The following NUMBL variants were observed in gnomAD, a reference collection of about 807,000 sequenced individuals.
NUMBL encodes numb-like protein.
In NUMBL, 20 loss-of-function variants were observed where a neutral mutation model predicts 48.9. The observed-to-expected ratio is 0.41, with a 90% CI of 0.29 to 0.59. The LOEUF (loss-of-function observed/expected upper bound fraction) is 0.59, where lower values mean the gene tolerates loss of function less well. Among genes scored for constraint, NUMBL ranks in the 20% least tolerant of loss-of-function variants. The probability of loss-of-function intolerance (pLI) is 0.31; values close to 1 mark genes in which losing one functional copy is unlikely to be tolerated. For missense variants in NUMBL, 660 were observed against 846.2 expected, an observed-to-expected ratio of 0.78 and a Z score of 2.73; for synonymous variants, 340 against 348.7, an observed-to-expected ratio of 0.98 and a Z score of 0.28.
chr19:40,681,642 A>C (rs2081905734), intron 5 of NUMBL, among the ~76,000 whole-genome samples: 1 of 152,150 alleles, frequency 6.6e-6, no homozygotes, highest in Admixed American at 6.6e-5. Context: ...TGATCTGAGC[A>C]GTTACGATGT....
At position 40,682,463 on chromosome 19, in the gene NUMBL, G is replaced by A. The variant is rs1212923295; in HGVS notation, c.399+265C>T. On this transcript the variant is annotated intron_variant, in intron 5 of 9. Coordinates refer to ENST00000252891, the MANE Select transcript of NUMBL (RefSeq NM_004756.5). This position sits in a 1 kb window ranked among gnomAD's most constrained non-coding sequence, Gnocchi z 4.0. ...TTTCAGATGACACAACTGAGACTCAGAGAGGTTAAATCTCATGCCCAGGGT... is the reference window on the plus strand; with the variant it reads ...TTTCAGATGACACAACTGAGACTCAAAGAGGTTAAATCTCATGCCCAGGGT... 6.6e-6 allele frequency among the ~76,000 whole-genome samples: 1 copy of A among 152,218 alleles called. No homozygotes were observed. The highest frequency in any genetic ancestry group is 6.5e-5 in the Admixed American group (1 of 15,278).
In NUMBL at chr19:40,667,092, G is replaced by A. The variant is rs2081813402; in HGVS notation, c.*376C>T. On this transcript the variant is annotated 3_prime_UTR_variant, in exon 10 of 10. Coordinates refer to ENST00000252891, the MANE Select transcript of NUMBL (RefSeq NM_004756.5). This position sits in a 1 kb window ranked among gnomAD's most constrained non-coding sequence, Gnocchi z 6.1. ...GGGGCCCAGGAGAGCCCCTAAGCAA[G>A]TGTCCCCCCTCCATCCTGTCCAACA... The A allele has an allele frequency of 5.0e-5, 14 of 281,720 alleles. No individual in the cohort carries two copies. The South Asian group carries it at 5.1e-4, about 10-fold the overall frequency. 17.5% of individuals were successfully genotyped at this position (281,720 alleles called of 1,614,324 possible).
Position 40,690,524 on chromosome 19 carries a change from G to T in NUMBL, c.-41C>A. 2 of 1,221,106 alleles carry T rather than the reference G, an allele frequency of 1.6e-6. No individual in the cohort carries two copies. The highest frequency in any genetic ancestry group is 2.1e-6 in the Non-Finnish European group (2 of 974,740). 75.6% of individuals were successfully genotyped at this position (1,221,106 alleles called of 1,614,324 possible). ...CCCCGCCTCCCGCGGCCCTGGCTGG[G>T]CCTGGCTCCCCGACTGCTGCTGCTG... On this transcript the variant is annotated 5_prime_UTR_variant, in exon 1 of 10. Transcript: ENST00000252891.
chr19:40,679,819 G>A (rs2144659886), intron 6 of NUMBL, among the ~76,000 whole-genome samples: 1 of 152,252 alleles, frequency 6.6e-6, no homozygotes, highest in East Asian at 1.9e-4. Flanking sequence ...CTGGGGTAGT[G>A]GGGAGACGGG....
intron 9 of NUMBL, 102 bp downstream of exon 9, chr19:40,669,796 G>A (rs1239872851): frequency 6.8e-7 from 1 of 1,462,060 alleles, no homozygotes; most frequent in Non-Finnish European, 9.2e-7. Flanking sequence ...TTCTAAGCCT[G>A]TAGGATCCCA....
intron 6 of NUMBL, among the ~76,000 whole-genome samples, chr19:40,678,661 T>G (rs2081890187): frequency 6.6e-6 from 1 of 152,040 alleles, no homozygotes; most frequent in South Asian, 2.1e-4. Flanking sequence ...AGCCACACAG[T>G]CTACACTATC....
chr19:40,669,156 C>T (rs1448759417), intron 9 of NUMBL, among the ~76,000 whole-genome samples: 1 of 152,138 alleles, frequency 6.6e-6, no homozygotes, highest in African/African-American at 2.4e-5. Flanking sequence ...TCACTTGATT[C>T]TCAGGTAATC....
At chr19:40,674,097 A>G (rs1221961228) in intron 7 of NUMBL, among the ~76,000 whole-genome samples, 1 of 152,120 alleles carries the variant, frequency 6.6e-6, no homozygotes, top group Non-Finnish European at 1.5e-5. Context: ...GGAAACTGAG[A>G]CCCAGCAAAG....
At position 40,666,392 on chromosome 19, in the gene NUMBL, G is replaced by C. The variant is rs13343945; in HGVS notation, c.*1076C>G. ...TGACCTTAAGTGATCTGCCTGCCTC[G>C]ACCTCCCAAAGTGCTGGGATTACAG... On this transcript the variant is annotated 3_prime_UTR_variant, in exon 10 of 10. Coordinates refer to ENST00000252891, the MANE Select transcript of NUMBL (RefSeq NM_004756.5). 1 of 152,022 alleles carries C rather than the reference G, an allele frequency of 6.6e-6. No individual in the cohort carries two copies. Among genetic ancestry groups the C allele is most frequent in the East Asian group, 1.9e-4 (1 of 5,198 alleles). 9.4% of individuals were successfully genotyped at this position (152,022 alleles called of 1,614,324 possible). A position where few individuals can be genotyped will look rare whatever the true frequency, so the allele number is the denominator to read the frequency against.
rs1183599602 is a variant in NUMBL, at chr19:40,673,414, C to T, written c.966G>A (p.Gln322=). 2.5e-6 allele frequency: 4 copies of T among 1,613,638 alleles called. No individual in the cohort carries two copies. Among genetic ancestry groups the T allele is most frequent in the Non-Finnish European group, 3.4e-6 (4 of 1,179,806 alleles). Reference sequence around the variant, plus strand: ...GCAGCTCATTCAGCCGTAGGCTCAGCTGCCGTTTGAAAGGCGAGTTCTTCT... The same window carrying T: ...GCAGCTCATTCAGCCGTAGGCTCAGTTGCCGTTTGAAAGGCGAGTTCTTCT... The part of the protein sequence containing the change: ...LSQKNSPFKR[Q]LSLRLNELPS... The change falls in exon 8 of 10, where the codon CAG becomes CAA. Residue 322 remains glutamine, a synonymous_variant. Transcript: ENST00000252891. This position sits in a 1 kb window ranked among gnomAD's most constrained non-coding sequence, Gnocchi z 5.9.
At position 40,684,557 on chromosome 19, in the gene NUMBL, C is replaced by A; in HGVS notation, c.110-1G>T. On this transcript the variant is annotated splice_acceptor_variant, in intron 2 of 9. Transcript: ENST00000252891. LOFTEE classifies it high-confidence loss of function. ...AACTTGTTCATGGTGCCCGCCCCGT[C>A]TGGTGACACAGGACAGTGATGTGGG... 1 of 1,605,732 alleles carries A rather than the reference C, an allele frequency of 6.2e-7. No homozygotes were observed. Among genetic ancestry groups the A allele is most frequent in the Non-Finnish European group, 8.5e-7 (1 of 1,174,998 alleles).
Position 40,667,882 on chromosome 19 carries a change from A to G in NUMBL, c.1416T>C (p.Ala472=). The change falls in exon 10 of 10, where the codon GCT becomes GCC. Residue 472 remains alanine (A), a synonymous_variant. Transcript: ENST00000252891. The surrounding 1 kb of genome is among the most constrained non-coding windows in gnomAD (Gnocchi z 6.1). ...GGAACACGGCCACTTGGGCAGGTGC[A>G]GCGTCAAAGGGCCCCACGGGGGCGG... ...PFPAPVGPFD[A]APAQVAVFLP... The G allele has an allele frequency of 1.3e-6, 2 of 1,585,938 alleles. No individual in the cohort carries two copies. Among genetic ancestry groups the G allele is most frequent in the South Asian group, 2.3e-5 (2 of 87,328 alleles).
Position 40,667,909 on chromosome 19 carries a change from G to A in NUMBL, c.1389C>T (p.Phe463=). 6.4e-7 allele frequency: 1 copy of A among 1,573,872 alleles called. No individual in the cohort carries two copies. The highest frequency in any genetic ancestry group is 8.6e-7 in the Non-Finnish European group (1 of 1,159,744). Residue 463 remains phenylalanine, a synonymous_variant, in exon 10 of 10, where the codon TTC becomes TTT. Coordinates refer to ENST00000252891, the MANE Select transcript of NUMBL (RefSeq NM_004756.5). The surrounding 1 kb of genome is among the most constrained non-coding windows in gnomAD (Gnocchi z 6.1). The stretch of plus-strand genomic sequence containing the variant: ...CGTCAAAGGGCCCCACGGGGGCGGG[G>A]AAAGGCTGCAGGGCAGGAGGCATGG... ...VPTMPPALQP[F]PAPVGPFDAA... is the part of the protein sequence containing the mutation.
chr19:40,670,724 G>A (rs954670580), intron 8 of NUMBL, among the ~76,000 whole-genome samples: 1 of 152,166 alleles, frequency 6.6e-6, no homozygotes, highest in Non-Finnish European at 1.5e-5. Context: ...GGGGCGCCCG[G>A]GTGGGACAGC....
chr19:40,673,537 C>T lies in NUMBL; in HGVS notation c.843G>A (p.Val281=), dbSNP rs2081859218. ...TGGCGGCCGCAGTGGTGCCTGCAGC[C>T]ACAGGGGTGCCTGCCTCACCCTTCT... is the stretch of plus-strand genomic sequence containing the variant. ...PGEKGEAGTP[V]AAGTTAAAIP... Residue 281 remains valine (V), a synonymous_variant, in exon 8 of 10, where the codon GTG becomes GTA. Coordinates refer to ENST00000252891, the MANE Select transcript of NUMBL (RefSeq NM_004756.5). This position sits in a 1 kb window ranked among gnomAD's most constrained non-coding sequence, Gnocchi z 5.9. 3 of 1,557,832 alleles carry T rather than the reference C, an allele frequency of 1.9e-6. No individual in the cohort carries two copies. Among genetic ancestry groups the T allele is most frequent in the Non-Finnish European group, 2.6e-6 (3 of 1,150,934 alleles).
chr19:40,686,115 G>A (rs1219472577), intron 2 of NUMBL: 1 of 152,430 alleles, frequency 6.6e-6, no homozygotes. Flanking sequence ...TAGAAATGTG[G>A]GTCTGTGTGT....
chr19:40,670,347 G>A (rs1237981679), intron 8 of NUMBL, among the ~76,000 whole-genome samples: 2 of 152,164 alleles, frequency 1.3e-5, no homozygotes, highest in African/African-American at 4.8e-5. Flanking sequence ...GCCCAACCAC[G>A]TGCATGGCAA....
At chr19:40,690,395 C>T in intron 1 of NUMBL, 65 bp downstream of exon 1, 5 of 1,003,540 alleles carry the variant, frequency 5.0e-6, no homozygotes, top group Non-Finnish European at 5.2e-6. Context: ...GGCCGCCTCC[C>T]ACCCTCCGCC....
intron 3 of NUMBL, 37 bp from the exon 4 acceptor site, chr19:40,683,005 A>T: frequency 6.4e-7 from 1 of 1,571,246 alleles, no homozygotes; most frequent in East Asian, 2.2e-5. Context: ...GACATGAAAC[A>T]GCACAGTAAT....
Sources: gnomAD v4.1 joint callset for allele counts (sites outside exome capture counted in the v4.1 genomes callset) on GRCh38, gnomAD v4.1.1 for gene constraint, Gnocchi (gnomAD v3.1) non-coding constraint, MANE v1.5 for transcripts, NCBI Gene and HGNC (gene_info 2026-07-23, HGNC 2026-07-21) for gene names.